DYSF: variants seen among roughly 807,000 people sequenced by gnomAD.
DYSF encodes dysferlin, also known as dystrophy-associated fer-1-like 1.
DYSF carries 212 observed loss-of-function variants against 274.9 expected under a neutral mutation model. That is an observed-to-expected ratio of 0.77 (90% CI 0.69 to 0.86). DYSF has a LOEUF of 0.86. DYSF is among the 40% of genes least tolerant of loss of function. DYSF has a pLI of 0.00. For missense variants in DYSF, 2,666 were observed against 2,783.2 expected, an observed-to-expected ratio of 0.96 and a Z score of 0.95; for synonymous variants, 1,091 against 1,078.7, an observed-to-expected ratio of 1.01 and a Z score of -0.22.
rs1558833544 is a variant in DYSF, at chr2:71,686,547, C to G, written c.*55C>G. 11 of 1,604,012 alleles carry G rather than the reference C, an allele frequency of 6.9e-6. No homozygotes were observed. Among genetic ancestry groups the G allele is most frequent in the Non-Finnish European group, 4.3e-6 (5 of 1,171,826 alleles). On this transcript the variant is annotated 3_prime_UTR_variant, in exon 56 of 56. Coordinates refer to ENST00000410020, the MANE Select transcript of DYSF (RefSeq NM_001130987.2). ...GGGGTCCCCTCCAGCATGGGACTGG[C>G]CTGCCTCCTCCGCCCAGCTCGGCGA...
chr2:71,511,677 C>G (rs1191850715), intron 4 of DYSF, 130 bp from the exon 5 acceptor site: 3 of 727,006 alleles, frequency 4.1e-6, no homozygotes, highest in Non-Finnish European at 7.4e-6. Context: ...TTTGCCACAG[C>G]CTCCTGCAAA....
At chr2:71,479,993 C>T (rs1024240041) in intron 1 of DYSF, among the ~76,000 whole-genome samples, 1 of 152,152 alleles carries the variant, frequency 6.6e-6, no homozygotes, top group Non-Finnish European at 1.5e-5. Flanking sequence ...ATTGTGCAAC[C>T]ATCATCATGA....
chr2:71,682,734 A>C (rs2095311403), intron 55 of DYSF, 57 bp downstream of exon 55: 1 of 1,574,644 alleles, frequency 6.4e-7, no homozygotes, highest in African/African-American at 1.4e-5. Flanking sequence ...GGGGGAGTTC[A>C]TCATTGTCCT....
chr2:71,471,702 G>T lies in DYSF; in HGVS notation c.91+4769G>T, dbSNP rs537912915. The stretch of plus-strand genomic sequence containing the variant: ...ATAAACCAGGGGGCCGGGTGTGGTG[G>T]CTCACGCCTGTAATCCCAGCACTTT... On this transcript the variant is annotated intron_variant, in intron 1 of 55. Coordinates refer to ENST00000410020, the MANE Select transcript of DYSF (RefSeq NM_001130987.2). Among the ~76,000 whole-genome samples, 3 of 152,282 alleles carry T rather than the reference G, an allele frequency of 2.0e-5. No individual in the cohort carries two copies. In the South Asian group the frequency reaches 6.2e-4, roughly 32 times the overall value.
At position 71,658,913 on chromosome 2, in the gene DYSF, A is replaced by G. The variant is rs1403210875; in HGVS notation, c.4791A>G (p.Pro1597=). Residue 1597 remains proline (P), a synonymous_variant, in exon 44 of 56, where the codon CCA becomes CCG. Transcript: ENST00000410020. Reference sequence around the variant, plus strand: ...AAATTTATCCCCTCCCAGAAGACCCAGCCATCCCCATGCCCCCAAGACAGT... The same window carrying G: ...AAATTTATCCCCTCCCAGAAGACCCGGCCATCCCCATGCCCCCAAGACAGT... The part of the protein sequence containing the change: ...LFKIYPLPED[P]AIPMPPRQFH... 6.2e-7 allele frequency: 1 copy of G among 1,614,198 alleles called. No individual in the cohort carries two copies. The highest frequency in any genetic ancestry group is 1.1e-5 in the South Asian group (1 of 91,090).
chr2:71,606,704 T>A (rs1405571596), intron 36 of DYSF, among the ~76,000 whole-genome samples: 1 of 151,512 alleles, frequency 6.6e-6, no homozygotes, highest in Non-Finnish European at 1.5e-5. Flanking sequence ...GTTAAGAGAG[T>A]CAGAGTCAGG....
At chr2:71,578,352 A>T (rs2092781563) in intron 30 of DYSF, among the ~76,000 whole-genome samples, 1 of 152,166 alleles carries the variant, frequency 6.6e-6, no homozygotes, top group Non-Finnish European at 1.5e-5. Context: ...GTGTGTGGCC[A>T]GGGTCCTGGA....
intron 17 of DYSF, among the ~76,000 whole-genome samples, chr2:71,544,003 T>C (rs6546703): frequency 0.8 from 121,088 of 151,528 alleles, 49,623 homozygotes; most frequent in African/African-American, 0.86. Context: ...CCTTCTTTTT[T>C]CCCTGTCACT....
At chr2:71,553,761 G>GCCCCC in intron 20 of DYSF, 46 bp from the exon 21 acceptor site, 1 of 495,890 alleles carries the variant, frequency 2.0e-6, no homozygotes, top group Non-Finnish European at 3.1e-6. Flanking sequence ...CATCCCACCC[G>GCCCCC]CCCTCCACTC....
intron 51 of DYSF, among the ~76,000 whole-genome samples, chr2:71,672,167 A>T (rs1437122702): frequency 6.6e-6 from 1 of 151,768 alleles, no homozygotes; most frequent in African/African-American, 2.4e-5. Context: ...GAGGTGGGAG[A>T]CAGAAACTGG....
intron 3 of DYSF, among the ~76,000 whole-genome samples, chr2:71,487,849 C>T (rs1338172429): frequency 6.6e-6 from 1 of 152,100 alleles, no homozygotes; most frequent in Non-Finnish European, 1.5e-5. Flanking sequence ...TCAATTTTTC[C>T]ATGGATTAGC....
In DYSF at chr2:71,515,631, C is replaced by A. The variant is rs2152734363; in HGVS notation, c.768C>A (p.Val256=). ...SDKPQDFQIR[V]QVIEGRQLPG... is the part of the protein sequence containing the mutation. The stretch of plus-strand genomic sequence containing the variant: ...CTCCTTCTGGCTTTCAGATCAGGGT[C>A]CAGGTGATCGAGGGGCGCCAGCTGC... The change falls in exon 8 of 56, where the codon GTC becomes GTA. Residue 256 remains valine (V), a synonymous_variant. Transcript: ENST00000410020. The A allele has an allele frequency of 6.2e-7, 1 of 1,613,948 alleles. No individual in the cohort carries two copies. The highest frequency in any genetic ancestry group is 8.5e-7 in the Non-Finnish European group (1 of 1,179,908).
intron 13 of DYSF, 72 bp downstream of exon 13, chr2:71,526,418 T>TTTG (rs2087922468): frequency 4.0e-4 from 104 of 261,150 alleles, no homozygotes; most frequent in Non-Finnish European, 6.2e-4. Flanking sequence ...GGGTGGGCGA[T>TTTG]GGCGGGCGGG....
At chr2:71,489,251 C>T (rs2083612960) in intron 3 of DYSF, among the ~76,000 whole-genome samples, 1 of 152,116 alleles carries the variant, frequency 6.6e-6, no homozygotes, top group South Asian at 2.1e-4. Flanking sequence ...CTGACCCAGC[C>T]CTCTCCCACC....
intron 42 of DYSF, among the ~76,000 whole-genome samples, chr2:71,645,778 A>G (rs772684490): frequency 7.2e-5 from 11 of 152,034 alleles, no homozygotes; most frequent in Admixed American, 2.0e-4. Context: ...ATTTTCACTT[A>G]CTAAATCTGG....
upstream of DYSF, among the ~76,000 whole-genome samples, chr2:71,465,213 C>T (rs531736020): frequency 3.0e-3 from 464 of 152,206 alleles, 3 homozygotes; most frequent in Non-Finnish European, 5.5e-3. Context: ...GCAGGCTCAC[C>T]ACTGAATGGG....
In DYSF at chr2:71,669,163, C is replaced by A. The variant is rs771665705; in HGVS notation, c.5598C>A (p.Asp1866Glu). The A allele has an allele frequency of 2.5e-6, 4 of 1,610,662 alleles. No individual in the cohort carries two copies. The highest frequency in any genetic ancestry group is 2.2e-5 in the East Asian group (1 of 44,854). Reference sequence around the variant, plus strand: ...ATACCAGAGATGTGATCCTGGATGACCTGAGCCTCACGGGGGAGAAGATGA... The same window carrying A: ...ATACCAGAGATGTGATCCTGGATGAACTGAGCCTCACGGGGGAGAAGATGA... ...IWNTRDVILD[D>E]LSLTGEKMSD... The change falls in exon 50 of 56, where the codon GAC (aspartate) becomes GAA (glutamate). Residue 1866 changes from aspartate (D) to glutamate (E), a missense_variant. By Grantham distance (45) the Asp-to-Glu change is conservative. This residue lies in a region of DYSF where 1,460 missense variants were observed against 1,502.1 expected (regional missense o/e 0.97). Transcript: ENST00000410020.
rs1470811388 is a variant in DYSF, at chr2:71,472,299, G to A, written c.91+5366G>A. On this transcript the variant is annotated intron_variant, in intron 1 of 55. Transcript: ENST00000410020. ...AATGCGTTGCTGCATTTCCCAAATT[G>A]TTCTTGAAGTCTGTATCAACTTTAT... Among the ~76,000 whole-genome samples the A allele has an allele frequency of 2.0e-5, 3 of 152,206 alleles. No individual in the cohort carries two copies. In the East Asian group the frequency reaches 5.8e-4, roughly 29 times the overall value.
intron 41 of DYSF, among the ~76,000 whole-genome samples, chr2:71,637,443 G>A (rs1558689988): frequency 6.6e-6 from 1 of 152,200 alleles, no homozygotes; most frequent in Non-Finnish European, 1.5e-5. Flanking sequence ...AAAGGAAGCA[G>A]GGACATGGGC....
Sources: gnomAD v4.1 joint callset for allele counts (sites outside exome capture counted in the v4.1 genomes callset) on GRCh38, gnomAD v4.1.1 for gene constraint, gnomAD v4.1.1 regional missense constraint, MANE v1.5 for transcripts, NCBI Gene and HGNC (gene_info 2026-07-23, HGNC 2026-07-21) for gene names.